ITPR2: variants seen among roughly 807,000 people sequenced by gnomAD.
The protein encoded by ITPR2 is inositol 1,4,5-trisphosphate-gated calcium channel ITPR2.
ITPR2 carries 207 observed loss-of-function variants against 317.1 expected under a neutral mutation model. The ratio of observed to expected loss-of-function variants is 0.65; its 90% CI spans 0.58 to 0.73. ITPR2 has a LOEUF of 0.73. Among genes scored for constraint, ITPR2 ranks in the 30% least tolerant of loss-of-function variants. ITPR2 has a pLI of 0.00. For synonymous variants in ITPR2, 1,156 were observed against 1,149.1 expected, an observed-to-expected ratio of 1.01 and a Z score of -0.12; for missense variants, 2,613 against 3,284.0, an observed-to-expected ratio of 0.80 and a Z score of 4.99.
intron 5 of ITPR2, among the ~76,000 whole-genome samples, chr12:26,720,186 A>G (rs1948810366): frequency 6.6e-6 from 1 of 152,172 alleles, no homozygotes; most frequent in South Asian, 2.1e-4. Context: ...AATAGGAACT[A>G]TTACCTTTTG....
At chr12:26,716,733 C>T (rs1342403726) in intron 5 of ITPR2, among the ~76,000 whole-genome samples, 1 of 152,156 alleles carries the variant, frequency 6.6e-6, no homozygotes. Flanking sequence ...ATTAAAAATT[C>T]TAATGTCAGC....
Position 26,488,176 on chromosome 12 carries a change from A to G in ITPR2, c.5371-925T>C, listed in dbSNP as rs556437052. On this transcript the variant is annotated intron_variant, in intron 39 of 56. Coordinates refer to ENST00000381340, the MANE Select transcript of ITPR2 (RefSeq NM_002223.4). ...ACTACCAAGATTATGAGATAGATAC[A>G]AGACAAACAAGATAAATATCATTTG... Among the ~76,000 whole-genome samples the G allele has an allele frequency of 1.4e-3, 218 of 152,334 alleles. 4 individuals are homozygous for G. In the South Asian group the frequency reaches 0.039, roughly 27 times the overall value.
intron 43 of ITPR2, among the ~76,000 whole-genome samples, 176 bp downstream of exon 43, chr12:26,480,955 T>C (rs1942532202): frequency 6.6e-6 from 1 of 152,256 alleles, no homozygotes; most frequent in South Asian, 2.1e-4. Context: ...CCATGGAATA[T>C]TACCTCAAAG....
intron 9 of ITPR2, among the ~76,000 whole-genome samples, chr12:26,697,177 C>T (rs1420491574): frequency 6.6e-6 from 1 of 152,142 alleles, no homozygotes; most frequent in Non-Finnish European, 1.5e-5. Context: ...CATCAGCCAG[C>T]CCTGCAGCTG....
rs773812399 is a variant in ITPR2 at position 26,476,899 on chromosome 12, A to C, written c.6219+13T>G. ...CTACCCAATATTGACCAAGCTTTTA[A>C]AAGTTTTCTTACCAGTTCTCTGGGT... On this transcript the variant is annotated intron_variant, in intron 44 of 56. Coordinates refer to ENST00000381340, the MANE Select transcript of ITPR2 (RefSeq NM_002223.4). The C allele has an allele frequency of 6.3e-7, 1 of 1,586,562 alleles. No individual in the cohort carries two copies. Among genetic ancestry groups the C allele is most frequent in the Admixed American group, 1.7e-5 (1 of 59,638 alleles).
At chr12:26,792,233 G>C (rs1950353275) in intron 1 of ITPR2, among the ~76,000 whole-genome samples, 1 of 151,968 alleles carries the variant, frequency 6.6e-6, no homozygotes. Context: ...AAATCACTAA[G>C]GCAGTCATTT....
In ITPR2 at chr12:26,358,584, A is replaced by G. The variant is rs551871491; in HGVS notation, c.7858-18256T>C. Among the ~76,000 whole-genome samples, 5 of 152,218 alleles carry G rather than the reference A, an allele frequency of 3.3e-5. No homozygotes were observed. In the East Asian group the frequency reaches 9.7e-4, roughly 29 times the overall value. On this transcript the variant is annotated intron_variant, in intron 55 of 56. Transcript: ENST00000381340. ...CCGGCTGTGTTTTGTGGATTAAACT[A>G]CTTATTCTCATATGTTCTACCCATT...
chr12:26,476,032 T>C (rs1017033133), intron 44 of ITPR2, among the ~76,000 whole-genome samples: 1 of 152,222 alleles, frequency 6.6e-6, no homozygotes, highest in Non-Finnish European at 1.5e-5. Flanking sequence ...AATAAATATA[T>C]GATTCACTGC....
chr12:26,543,343 T>C (rs540513948), intron 37 of ITPR2, among the ~76,000 whole-genome samples: 2 of 151,836 alleles, frequency 1.3e-5, no homozygotes, highest in Non-Finnish European at 2.9e-5. Flanking sequence ...AGCACACACA[T>C]ACTATCAGAT....
intron 37 of ITPR2, among the ~76,000 whole-genome samples, chr12:26,520,815 T>C (rs1298693556): frequency 6.6e-6 from 1 of 152,234 alleles, no homozygotes; most frequent in East Asian, 1.9e-4. Context: ...TTTAAGCACA[T>C]ACTATATCTA....
intron 4 of ITPR2, among the ~76,000 whole-genome samples, chr12:26,724,162 A>G (rs1948882298): frequency 6.6e-6 from 1 of 152,198 alleles, no homozygotes; most frequent in Non-Finnish European, 1.5e-5. Context: ...TAACCAAGTA[A>G]GAAGCTAAAA....
Position 26,825,101 on chromosome 12 carries a change from C to T in ITPR2, c.92+7589G>A, listed in dbSNP as rs56125029. On this transcript the variant is annotated intron_variant, in intron 1 of 56. Coordinates refer to ENST00000381340, the MANE Select transcript of ITPR2 (RefSeq NM_002223.4). Reference sequence around the variant, plus strand: ...ACAATAAATTAGCCGAATGTGGTGGCGCACACCTGCAGTCCCAGCTACTCC... The same window carrying T: ...ACAATAAATTAGCCGAATGTGGTGGTGCACACCTGCAGTCCCAGCTACTCC... Among the ~76,000 whole-genome samples the T allele has an allele frequency of 1.0e-3, 155 of 152,152 alleles. 1 individual carries two copies. The Middle Eastern group carries it at 0.031, about 30-fold the overall frequency.
At chr12:26,543,734 A>C (rs1428952170) in intron 37 of ITPR2, among the ~76,000 whole-genome samples, 1 of 152,176 alleles carries the variant, frequency 6.6e-6, no homozygotes, top group Non-Finnish European at 1.5e-5. Context: ...GCATCACTGC[A>C]CTCCAGCCTG....
At chr12:26,341,606 G>A (rs1212700478) in intron 55 of ITPR2, among the ~76,000 whole-genome samples, 2 of 152,162 alleles carry the variant, frequency 1.3e-5, no homozygotes, top group Non-Finnish European at 2.9e-5. Flanking sequence ...ATATATTGAA[G>A]AGTTTTAAAC....
At chr12:26,687,954 G>T (rs1327078227) in intron 10 of ITPR2, among the ~76,000 whole-genome samples, 6 of 152,042 alleles carry the variant, frequency 3.9e-5, no homozygotes, top group Admixed American at 3.9e-4. Context: ...ACTAGAAAAG[G>T]GCATACTTAG....
intron 50 of ITPR2, among the ~76,000 whole-genome samples, chr12:26,417,142 TA>T (rs1420561321): frequency 6.7e-6 from 1 of 149,844 alleles, no homozygotes; most frequent in Non-Finnish European, 1.5e-5. Flanking sequence ...AAAAATCTTT[TA>T]AAAATATACT....
In ITPR2 at chr12:26,659,221, T is replaced by C; in HGVS notation, c.1778A>G (p.Asp593Gly). The C allele has an allele frequency of 6.2e-7, 1 of 1,613,580 alleles. No individual in the cohort carries two copies. The highest frequency in any genetic ancestry group is 8.5e-7 in the Non-Finnish European group (1 of 1,179,650). Residue 593 changes from aspartate to glycine, a missense_variant, in exon 16 of 57, where the codon GAT (aspartate) becomes GGT (glycine). Asp to Gly is a moderately conservative substitution (Grantham distance 94). Around this residue, in one of 9 missense-constraint regions of ITPR2, gnomAD observed 515 missense variants for 789.4 expected, o/e 0.65. Coordinates refer to ENST00000381340, the MANE Select transcript of ITPR2 (RefSeq NM_002223.4). The stretch of plus-strand genomic sequence containing the variant: ...GTTGTGCAACAAAGCTGTGATAGTA[T>C]CTTCTGCCAAAATATCATAGCCAAT... Reference protein sequence around the residue: ...SQIGYDILAEDTITALLHNNR... With the variant: ...SQIGYDILAEGTITALLHNNR...
intron 37 of ITPR2, among the ~76,000 whole-genome samples, chr12:26,523,815 T>C (rs10506001): frequency 0.088 from 13,419 of 152,254 alleles, 756 homozygotes; most frequent in African/African-American, 0.16. Flanking sequence ...CTAATTGAAT[T>C]TCAGGGCCAA....
chr12:26,827,129 T>C (rs1280354175), intron 1 of ITPR2, among the ~76,000 whole-genome samples: 3 of 152,228 alleles, frequency 2.0e-5, no homozygotes, highest in Admixed American at 1.3e-4. Context: ...AAAAATAGTT[T>C]ATTTAAAATA....
Sources: allele counts gnomAD v4.1 joint callset (sites outside exome capture counted in the v4.1 genomes callset), GRCh38; gene constraint gnomAD v4.1.1; regional missense constraint gnomAD v4.1.1; transcripts MANE v1.5; gene names NCBI Gene and HGNC (gene_info 2026-07-23, HGNC 2026-07-21).